GALNT13: variants seen among roughly 807,000 people sequenced by gnomAD.
GALNT13 encodes UDP-GalNAc:polypeptide N-acetylgalactosaminyltransferase 13.
Under a neutral mutation model 64.2 loss-of-function variants are expected in GALNT13, and 28 were observed. That is an observed-to-expected ratio of 0.44 (90% CI 0.32 to 0.60). The LOEUF (loss-of-function observed/expected upper bound fraction) is 0.60. Ranked by LOEUF, GALNT13 falls within the 20% of genes least tolerant of loss-of-function variation. The pLI, the probability that GALNT13 is intolerant of heterozygous loss-of-function variation, is 0.05. For synonymous variants in GALNT13, 214 were observed against 224.6 expected, an observed-to-expected ratio of 0.95 and a Z score of 0.42; for missense variants, 577 against 669.8, an observed-to-expected ratio of 0.86 and a Z score of 1.53.
intron 9 of GALNT13, among the ~76,000 whole-genome samples, chr2:154,313,774 A>G (rs1014181954): frequency 1.3e-5 from 2 of 152,064 alleles, no homozygotes; most frequent in Admixed American, 1.3e-4. Context: ...TGATTCACAG[A>G]ATAAGTACTA....
the GALNT13 span, among the ~76,000 whole-genome samples, chr2:153,136,184 C>T: frequency 8.4e-3 from 1,278 of 152,220 alleles, 74 homozygotes; most frequent in East Asian, 0.16. Context: ...AAGCCCATTG[C>T]ATTCATACAA....
chr2:153,770,170 G>A, the GALNT13 span, among the ~76,000 whole-genome samples: 11,482 of 58,564 alleles, frequency 0.2, 596 homozygotes, highest in Middle Eastern at 0.32. Flanking sequence ...CCACCCCCCC[G>A]CCCCCCCACA....
At chr2:153,316,814 G>C in the GALNT13 span, among the ~76,000 whole-genome samples, 3 of 152,116 alleles carry the variant, frequency 2.0e-5, no homozygotes, top group Non-Finnish European at 4.4e-5. Flanking sequence ...GCCCGCACAG[G>C]TAGGGGTGAG....
chr2:153,978,644 C>T (rs556329804), intron 3 of GALNT13, among the ~76,000 whole-genome samples: 1 of 152,266 alleles, frequency 6.6e-6, no homozygotes, highest in South Asian at 2.1e-4. Context: ...TGCCTTTTAC[C>T]TCCTGCCATG....
the GALNT13 span, among the ~76,000 whole-genome samples, chr2:153,725,380 G>T: frequency 6.6e-6 from 1 of 150,518 alleles, no homozygotes; most frequent in Non-Finnish European, 1.5e-5. Flanking sequence ...TGGGTGCAGC[G>T]CACCAGCATG....
chr2:153,295,683 T>A, the GALNT13 span, among the ~76,000 whole-genome samples: 1 of 152,172 alleles, frequency 6.6e-6, no homozygotes, highest in African/African-American at 2.4e-5. Flanking sequence ...ACTCAAAGTG[T>A]GATCTATGGA....
chr2:153,921,669 G>T (rs1019597518), intron 2 of GALNT13, among the ~76,000 whole-genome samples: 5 of 152,048 alleles, frequency 3.3e-5, no homozygotes, highest in African/African-American at 1.2e-4. Flanking sequence ...TAAGAGTAAG[G>T]GAGATAGAAT....
At chr2:153,923,002 C>G (rs1689860208) in intron 2 of GALNT13, among the ~76,000 whole-genome samples, 2 of 152,018 alleles carry the variant, frequency 1.3e-5, no homozygotes, top group East Asian at 1.9e-4. Context: ...CGGGTTCAAG[C>G]AATTCTCCTG....
intron 3 of GALNT13, among the ~76,000 whole-genome samples, chr2:154,002,983 A>G (rs754471031): frequency 7.2e-5 from 11 of 152,004 alleles, no homozygotes; most frequent in Non-Finnish European, 1.3e-4. Context: ...TTAATTGGTA[A>G]CCTTTTAGGT....
At chr2:153,648,796 T>G in the GALNT13 span, among the ~76,000 whole-genome samples, 2 of 152,182 alleles carry the variant, frequency 1.3e-5, no homozygotes, top group Admixed American at 1.3e-4. Flanking sequence ...TGAACCAGCC[T>G]TGCATCCTAG....
chr2:153,988,755 G>T (rs1014318640), intron 3 of GALNT13, among the ~76,000 whole-genome samples: 10 of 151,914 alleles, frequency 6.6e-5, no homozygotes, highest in Non-Finnish European at 1.3e-4. Context: ...GGATGATGAG[G>T]ATCTAAATAC....
the GALNT13 span, among the ~76,000 whole-genome samples, chr2:153,686,754 T>C: frequency 6.6e-6 from 1 of 152,112 alleles, no homozygotes; most frequent in Non-Finnish European, 1.5e-5. Context: ...TTTTGCCCAT[T>C]CAGTATGATG....
chr2:153,435,321 G>A, the GALNT13 span, among the ~76,000 whole-genome samples: 1 of 152,088 alleles, frequency 6.6e-6, no homozygotes, highest in Non-Finnish European at 1.5e-5. Context: ...GCTCTTTTTT[G>A]GTTCCATATG....
chr2:153,122,305 A>G, the GALNT13 span, among the ~76,000 whole-genome samples: 1 of 152,044 alleles, frequency 6.6e-6, no homozygotes, highest in Non-Finnish European at 1.5e-5. Flanking sequence ...GAATTATTGG[A>G]CTAAATGGCA....
chr2:153,404,140 G>A, the GALNT13 span, among the ~76,000 whole-genome samples: 2 of 152,146 alleles, frequency 1.3e-5, no homozygotes, highest in Non-Finnish European at 1.5e-5. Flanking sequence ...GAGTGGGTTA[G>A]TGACTTAAAT....
At chr2:154,423,666 A>G (rs1700351246) in intron 11 of GALNT13, among the ~76,000 whole-genome samples, 1 of 152,154 alleles carries the variant, frequency 6.6e-6, no homozygotes, top group Non-Finnish European at 1.5e-5. Context: ...GCTTTAAGAG[A>G]CAAGTTAAAA....
chr2:153,934,366 A>T lies in GALNT13; in HGVS notation c.-104-10028A>T, dbSNP rs180686747. Among the ~76,000 whole-genome samples the T allele has an allele frequency of 1.3e-3, 201 of 152,296 alleles. No homozygotes were observed. The Middle Eastern group carries it at 0.017, about 13-fold the overall frequency. Reference sequence around the variant, plus strand: ...AATTTACACAGACAGACACACATACATATTTCCTGCTTTTTTGTGTGTGTG... The same window carrying T: ...AATTTACACAGACAGACACACATACTTATTTCCTGCTTTTTTGTGTGTGTG... On this transcript the variant is annotated intron_variant, in intron 2 of 12. Coordinates refer to ENST00000392825, the MANE Select transcript of GALNT13 (RefSeq NM_052917.4).
intron 9 of GALNT13, among the ~76,000 whole-genome samples, chr2:154,376,082 A>T (rs1354496573): frequency 6.6e-6 from 1 of 152,230 alleles, no homozygotes; most frequent in Non-Finnish European, 1.5e-5. Flanking sequence ...TTTCATTTGG[A>T]AACAATTGGA....
chr2:153,285,467 G>T, the GALNT13 span, among the ~76,000 whole-genome samples: 7 of 152,228 alleles, frequency 4.6e-5, no homozygotes, highest in East Asian at 1.3e-3. Context: ...GAAGGAAATT[G>T]CGAATGTTCA....
Sources: allele counts gnomAD v4.1 joint callset (sites outside exome capture counted in the v4.1 genomes callset), GRCh38; gene constraint gnomAD v4.1.1; transcripts MANE v1.5; gene names NCBI Gene and HGNC (gene_info 2026-07-23, HGNC 2026-07-21).